PCDHA7: variants seen among roughly 807,000 people sequenced by gnomAD.
PCDHA7 encodes the protein protocadherin alpha 7, also known as protocadherin alpha-7.
In PCDHA7, 37 loss-of-function variants were observed where a neutral mutation model predicts 57.2. The observed-to-expected ratio is 0.65, with a 90% confidence interval of 0.50 to 0.85. The LOEUF is 0.85. Among genes scored for constraint, PCDHA7 ranks in the 40% least tolerant of loss-of-function variants. The pLI is 0.00. For synonymous variants in PCDHA7, 553 were observed against 558.8 expected (o/e 0.99, Z 0.15); for missense variants, 1,188 against 1,241.8 (o/e 0.96, Z 0.65).
At chr5:140,915,189 C>T (rs782151020) in intron 1 of PCDHA7, among the ~76,000 whole-genome samples, 21 of 152,010 alleles carry the variant, frequency 1.4e-4, no homozygotes, top group African/African-American at 4.1e-4. Context: ...CCTAGTGATC[C>T]GCCCATCTTG....
intron 3 of PCDHA7, among the ~76,000 whole-genome samples, chr5:141,004,496 C>T (rs1179748811): frequency 6.6e-6 from 1 of 152,152 alleles, no homozygotes; most frequent in Non-Finnish European, 1.5e-5. Context: ...CTTGGCAGTC[C>T]TGCTGTGAGG....
intron 1 of PCDHA7, chr5:140,927,351 G>A (rs782202644): frequency 1.4e-5 from 23 of 1,614,054 alleles, no homozygotes; most frequent in Non-Finnish European, 1.9e-5. Flanking sequence ...ATGACGACGA[G>A]GGAAGCAATG....
At position 140,843,365 on chromosome 5, in the gene PCDHA7, C is replaced by G. The variant is rs2150358343; in HGVS notation, c.2355+6627C>G. ...CCAGGCTCCAAAAGCGTCATCGAGGCAGTCGGCTGGCGTTTTGGGTCCGGA... is the reference window on the plus strand; with the variant it reads ...CCAGGCTCCAAAAGCGTCATCGAGGGAGTCGGCTGGCGTTTTGGGTCCGGA... On this transcript the variant is annotated intron_variant, in intron 1 of 3. Transcript: ENST00000525929. 3 of 1,595,994 alleles carry G rather than the reference C, an allele frequency of 1.9e-6. No individual in the cohort carries two copies. The highest frequency in any genetic ancestry group is 2.6e-6 in the Non-Finnish European group (3 of 1,165,606).
rs2150263545 is a variant in PCDHA7, at chr5:140,836,542, C to T, written c.2159C>T (p.Ala720Val). Residue 720 changes from alanine (A) to valine (V), a missense_variant, in exon 1 of 4, where the codon GCG becomes GTG. Physicochemically the swap from Ala to Val is moderately conservative, Grantham distance 64. This residue lies in a region of PCDHA7 where 892 missense variants were observed against 788.5 expected (regional missense o/e 1.13). Coordinates refer to ENST00000525929, the MANE Select transcript of PCDHA7 (RefSeq NM_018910.3). ...GTGCTTACCCTGCTGCTGTACACGG[C>T]GTTGCGGTGCTCAGCGCCGTCCTCT... ...LLVLTLLLYT[A>V]LRCSAPSSEG... 6.2e-7 allele frequency: 1 copy of T among 1,613,772 alleles called. No individual in the cohort carries two copies. The highest frequency in any genetic ancestry group is 8.5e-7 in the Non-Finnish European group (1 of 1,179,824).
rs200196783 is a variant in PCDHA7 at position 140,849,807 on chromosome 5, A to C, written c.2355+13069A>C. On this transcript the variant is annotated intron_variant, in intron 1 of 3. Transcript: ENST00000525929. The stretch of plus-strand genomic sequence containing the variant: ...CGGGGGCTCGCCTTCACTGTGGGCC[A>C]CGGCCAGGGTGTCTGTGGAGGTGGC... 5.4e-5 allele frequency: 86 copies of C among 1,598,400 alleles called. 9 individuals are homozygous for C. The highest frequency in any genetic ancestry group is 6.8e-5 in the Non-Finnish European group (80 of 1,167,954).
chr5:140,845,861 C>T (rs1050084373), intron 1 of PCDHA7, among the ~76,000 whole-genome samples: 4 of 149,638 alleles, frequency 2.7e-5, no homozygotes, highest in Middle Eastern at 3.5e-3. Context: ...TTAGTGATTG[C>T]AGAAAGGCAA....
chr5:140,884,820 T>C (rs1318105542), intron 1 of PCDHA7: 4 of 1,013,184 alleles, frequency 3.9e-6, no homozygotes, highest in African/African-American at 3.3e-5. Context: ...GTGGACATTA[T>C]GTGTTGGATT....
chr5:140,927,953 C>T (rs782230690), intron 1 of PCDHA7: 48 of 1,614,090 alleles, frequency 3.0e-5, no homozygotes, highest in Non-Finnish European at 2.1e-5. Flanking sequence ...GAGGACGCTG[C>T]CCCTGGCACA....
chr5:140,835,612 A>C lies in PCDHA7; in HGVS notation c.1229A>C (p.Asp410Ala), dbSNP rs1226937699. Reference sequence around the variant, plus strand: ...AAGAATTACTATTCATTGGTGCTGGACAGCGCTCTGGACCGCGAGAGTGTG... The same window carrying C: ...AAGAATTACTATTCATTGGTGCTGGCCAGCGCTCTGGACCGCGAGAGTGTG... Reference protein sequence around the residue: ...TFKNYYSLVLDSALDRESVSA... With the variant: ...TFKNYYSLVLASALDRESVSA... The change falls in exon 1 of 4, where the codon GAC becomes GCC. Residue 410 changes from aspartate (D) to alanine (A), a missense_variant. Physicochemically the swap from Asp to Ala is moderately radical, Grantham distance 126. Coordinates refer to ENST00000525929, the MANE Select transcript of PCDHA7 (RefSeq NM_018910.3). 3 of 1,613,770 alleles carry C rather than the reference A, an allele frequency of 1.9e-6. No individual in the cohort carries two copies. Among genetic ancestry groups the C allele is most frequent in the Non-Finnish European group, 1.7e-6 (2 of 1,179,880 alleles).
At chr5:140,857,699 C>T (rs1554150537) in intron 1 of PCDHA7, 1 of 1,597,158 alleles carries the variant, frequency 6.3e-7, no homozygotes, top group East Asian at 2.2e-5. Flanking sequence ...CTTGACGCTG[C>T]AGGTGTTCGT....
intron 1 of PCDHA7, chr5:140,842,572 A>C (rs2150339542): frequency 0.42 from 640,316 of 1,537,946 alleles, 166,648 homozygotes; most frequent in South Asian, 0.52. Context: ...ACCGCGAGAG[A>C]GTGTCGGCCT....
intron 1 of PCDHA7, among the ~76,000 whole-genome samples, chr5:140,911,564 CTT>C (rs1188784239): frequency 6.6e-6 from 1 of 152,226 alleles, no homozygotes. Flanking sequence ...TCTTTCATCA[CTT>C]TGTCCAGTGA....
At chr5:140,870,092 C>T (rs2051656113) in intron 1 of PCDHA7, 2 of 1,613,728 alleles carry the variant, frequency 1.2e-6, no homozygotes, top group African/African-American at 1.3e-5. Context: ...CCCCCAATGG[C>T]AGGTCACTGT....
At chr5:140,899,948 C>A (rs2067639860) in intron 1 of PCDHA7, among the ~76,000 whole-genome samples, 1 of 151,682 alleles carries the variant, frequency 6.6e-6, no homozygotes, top group South Asian at 2.1e-4. Context: ...GCTGGGACCA[C>A]AGGCATGTGC....
rs976643195 is a variant in PCDHA7 at position 141,010,391 on chromosome 5, C to A, written c.*454C>A. On this transcript the variant is annotated 3_prime_UTR_variant, in exon 4 of 4. Transcript: ENST00000525929. ...TGCGAGTGCCAGATATTGGCTGAGACGAGCCAGCTTAGACTAATTGGTACA... is the reference window on the plus strand; with the variant it reads ...TGCGAGTGCCAGATATTGGCTGAGAAGAGCCAGCTTAGACTAATTGGTACA... The A allele has an allele frequency of 2.2e-6, 3 of 1,386,760 alleles. No homozygotes were observed. Among genetic ancestry groups the A allele is most frequent in the Non-Finnish European group, 2.9e-6 (3 of 1,041,298 alleles). The allele number at this position is 1,386,760 out of a possible 1,614,324, so 85.9% of individuals were successfully genotyped here.
At chr5:140,917,875 T>TC (rs1459321723) in intron 1 of PCDHA7, among the ~76,000 whole-genome samples, 11 of 152,026 alleles carry the variant, frequency 7.2e-5, no homozygotes, top group Non-Finnish European at 7.4e-5. Context: ...CTATTTGGGC[T>TC]CTTTTTTTTT....
chr5:141,000,361 GTCTCTCTCTC>G lies in PCDHA7; in HGVS notation c.2504-9240_2504-9231del, dbSNP rs148596731. Reference sequence around the variant, plus strand: ...CCTATCTCTCTCTCTGTCTCTCTCTGTCTCTCTCTCTCTCTCTCTCTCTCTCTCTCTCTCT... The same window carrying G: ...CCTATCTCTCTCTCTGTCTCTCTCTGTCTCTCTCTCTCTCTCTCTCTCTCT... On this transcript the variant is annotated intron_variant, in intron 3 of 3. Transcript: ENST00000525929. 0.019 allele frequency among the ~76,000 whole-genome samples: 511 copies of G among 26,396 alleles called. 13 individuals carry two copies. In the Middle Eastern group the frequency reaches 0.2, roughly 10 times the overall value. The allele number at this position is 26,396 out of a possible 152,430, so 17.3% of individuals were successfully genotyped here.
At chr5:140,893,117 T>C (rs536917492) in intron 1 of PCDHA7, among the ~76,000 whole-genome samples, 72 of 152,356 alleles carry the variant, frequency 4.7e-4, no homozygotes, top group South Asian at 1.2e-3. Flanking sequence ...GTTGTGCATA[T>C]ACACCACATT....
intron 1 of PCDHA7, among the ~76,000 whole-genome samples, chr5:140,837,787 C>T (rs1177845045): frequency 3.3e-5 from 5 of 151,766 alleles, no homozygotes; most frequent in Non-Finnish European, 7.4e-5. Context: ...CAGGATCCTC[C>T]CATCTCAGCC....
Sources: allele counts gnomAD v4.1 joint callset (sites outside exome capture counted in the v4.1 genomes callset), GRCh38; gene constraint gnomAD v4.1.1; regional missense constraint gnomAD v4.1.1; transcripts MANE v1.5; gene names NCBI Gene and HGNC (gene_info 2026-07-23, HGNC 2026-07-21).